GRIN2B: variants seen among roughly 807,000 people sequenced by gnomAD.
GRIN2B encodes the protein glutamate receptor ionotropic, NMDA 2B.
Under a neutral mutation model 114.5 loss-of-function variants are expected in GRIN2B, and 5 were observed. The ratio of observed to expected loss-of-function variants is 0.04; its 90% CI spans 0.02 to 0.09. GRIN2B has a LOEUF of 0.09. Ranked by LOEUF, GRIN2B falls within the 10% of genes least tolerant of loss-of-function variation. GRIN2B has a pLI of 1.00. For synonymous variants in GRIN2B, 787 were observed against 745.1 expected (o/e 1.06, Z -0.92); for missense variants, 1,108 against 1,943.5 (o/e 0.57, Z 8.08).
intron 2 of GRIN2B, among the ~76,000 whole-genome samples, chr12:13,943,652 A>C (rs1011348301): frequency 6.6e-6 from 1 of 152,096 alleles, no homozygotes; most frequent in Non-Finnish European, 1.5e-5. Flanking sequence ...TTGTTTCCTC[A>C]GCCTGGGACG....
chr12:13,814,902 T>C (rs1366203527), intron 3 of GRIN2B, among the ~76,000 whole-genome samples: 1 of 152,240 alleles, frequency 6.6e-6, no homozygotes, highest in Non-Finnish European at 1.5e-5. Context: ...TTTCTAGTTC[T>C]TCTTGTCTAT....
intron 2 of GRIN2B, among the ~76,000 whole-genome samples, chr12:13,866,492 G>A (rs748341767): frequency 1.3e-5 from 2 of 152,216 alleles, no homozygotes; most frequent in Non-Finnish European, 2.9e-5. Flanking sequence ...AGAGACAAAG[G>A]AGGAAAAGAG....
At chr12:13,978,732 T>C (rs1412774982) in intron 2 of GRIN2B, among the ~76,000 whole-genome samples, 3 of 152,202 alleles carry the variant, frequency 2.0e-5, no homozygotes, top group Non-Finnish European at 4.4e-5. Context: ...TTCAGGGACA[T>C]ATGGTCAGTG....
intron 4 of GRIN2B, among the ~76,000 whole-genome samples, chr12:13,744,557 A>G (rs890003935): frequency 6.6e-6 from 1 of 152,202 alleles, no homozygotes; most frequent in South Asian, 2.1e-4. Flanking sequence ...AAAACACCCA[A>G]TAAAGAAAGA....
intron 10 of GRIN2B, among the ~76,000 whole-genome samples, chr12:13,585,691 C>T (rs1948912999): frequency 6.6e-6 from 1 of 152,172 alleles, no homozygotes; most frequent in South Asian, 2.1e-4. Flanking sequence ...TTATGTTTCC[C>T]AGAACACTCA....
In GRIN2B at chr12:13,557,384, T is replaced by TA. The variant is rs1420024035; in HGVS notation, c.*5398dup. On this transcript the variant is annotated 3_prime_UTR_variant, in exon 14 of 14. Transcript: ENST00000609686. ...GCACCCCCTATGGAGGTGGAAAGTATAGGATATAGACCAACTCAGCTAATT... is the reference window on the plus strand; with the variant it reads ...GCACCCCCTATGGAGGTGGAAAGTATAAGGATATAGACCAACTCAGCTAATT... The TA allele has an allele frequency of 1.3e-5, 2 of 152,188 alleles. No homozygotes were observed. The highest frequency in any genetic ancestry group is 1.3e-4 in the Admixed American group (2 of 15,272). 9.4% of individuals were successfully genotyped at this position (152,188 alleles called of 1,614,324 possible).
intron 5 of GRIN2B, among the ~76,000 whole-genome samples, chr12:13,629,599 ACCCTTTCTCCTTT>A (rs1441072646): frequency 6.6e-6 from 1 of 150,756 alleles, no homozygotes; most frequent in African/African-American, 2.4e-5. Context: ...CCCACGTTTC[ACCCTTTCTCCTTT>A]CCCTTCCTCT....
At chr12:13,570,550 G>T (rs894016473) in intron 11 of GRIN2B, among the ~76,000 whole-genome samples, 2 of 151,062 alleles carry the variant, frequency 1.3e-5, no homozygotes, top group Non-Finnish European at 2.9e-5. Context: ...GGCAGTACAG[G>T]CTTGTGTAAG....
At chr12:13,812,619 G>A (rs1022333269) in intron 3 of GRIN2B, among the ~76,000 whole-genome samples, 1 of 152,024 alleles carries the variant, frequency 6.6e-6, no homozygotes, top group East Asian at 1.9e-4. Flanking sequence ...TATAAATTAA[G>A]AATTCTGTTT....
In GRIN2B at chr12:13,556,143, C is replaced by G. The variant is rs775738411; in HGVS notation, c.*6640G>C. ...CAAGGTTGTGGTTAGAGAGGAAATC[C>G]CAGAGTTTTAGCTCTGGGAGGTGTA... On this transcript the variant is annotated 3_prime_UTR_variant, in exon 14 of 14. Coordinates refer to ENST00000609686, the MANE Select transcript of GRIN2B (RefSeq NM_000834.5). The G allele has an allele frequency of 6.6e-6, 1 of 152,006 alleles. No individual in the cohort carries two copies. The highest frequency in any genetic ancestry group is 1.5e-5 in the Non-Finnish European group (1 of 67,998). The allele number at this position is 152,006 out of a possible 1,614,324, so 9.4% of individuals were successfully genotyped here.
At chr12:13,941,482 G>A (rs1028752211) in intron 2 of GRIN2B, among the ~76,000 whole-genome samples, 11 of 152,182 alleles carry the variant, frequency 7.2e-5, no homozygotes, top group African/African-American at 2.4e-4. Flanking sequence ...GGTGAGGAAC[G>A]GGATTGGGTG....
At chr12:13,834,857 C>T (rs1316181994) in intron 3 of GRIN2B, among the ~76,000 whole-genome samples, 3 of 152,126 alleles carry the variant, frequency 2.0e-5, no homozygotes, top group Non-Finnish European at 2.9e-5. Flanking sequence ...AATTCTAATG[C>T]CCAAGCTGCA....
chr12:13,805,895 A>T (rs1033834353), intron 3 of GRIN2B, among the ~76,000 whole-genome samples: 3 of 151,976 alleles, frequency 2.0e-5, no homozygotes, highest in African/African-American at 7.2e-5. Flanking sequence ...AATTCCTTCA[A>T]CTCCCAATGG....
rs909522591 is a variant in GRIN2B at position 13,552,395 on chromosome 12, G to A, written c.*10388C>T. Reference sequence around the variant, plus strand: ...AAGCCAGTAACCAAGGGGGAACCATGTGCCTCACATGTCAGCTTCTGGCTT... The same window carrying A: ...AAGCCAGTAACCAAGGGGGAACCATATGCCTCACATGTCAGCTTCTGGCTT... On this transcript the variant is annotated 3_prime_UTR_variant, in exon 14 of 14. Transcript: ENST00000609686. 1 of 152,196 alleles carries A rather than the reference G, an allele frequency of 6.6e-6. No homozygotes were observed. The highest frequency in any genetic ancestry group is 1.5e-5 in the Non-Finnish European group (1 of 68,032). The allele number at this position is 152,196 out of a possible 1,614,324, so 9.4% of individuals were successfully genotyped here. A position where few individuals can be genotyped will look rare whatever the true frequency, so the allele number is the denominator to read the frequency against.
chr12:13,726,167 T>C (rs772718677), intron 4 of GRIN2B, among the ~76,000 whole-genome samples: 6 of 152,082 alleles, frequency 3.9e-5, no homozygotes, highest in Non-Finnish European at 8.8e-5. Context: ...ATATTCTTTC[T>C]CCACTTCCAG....
chr12:13,687,874 T>C (rs570592148), intron 4 of GRIN2B, among the ~76,000 whole-genome samples: 23 of 152,324 alleles, frequency 1.5e-4, no homozygotes, highest in African/African-American at 5.3e-4. Flanking sequence ...CAGAACTTTG[T>C]CTCCACAAGG....
At chr12:13,651,994 A>C (rs909256010) in intron 5 of GRIN2B, among the ~76,000 whole-genome samples, 21 of 152,088 alleles carry the variant, frequency 1.4e-4, no homozygotes, top group Admixed American at 3.3e-4. Flanking sequence ...TCTAGGCTGC[A>C]TCATGCACTA....
intron 3 of GRIN2B, among the ~76,000 whole-genome samples, chr12:13,812,009 G>A (rs1259515259): frequency 6.6e-6 from 1 of 152,202 alleles, no homozygotes; most frequent in Non-Finnish European, 1.5e-5. Context: ...GTTTTCATTA[G>A]ATTCTCAAAG....
At chr12:13,583,560 G>C (rs746006271) in intron 10 of GRIN2B, among the ~76,000 whole-genome samples, 3 of 152,166 alleles carry the variant, frequency 2.0e-5, no homozygotes, top group Non-Finnish European at 2.9e-5. Context: ...GCCTGAATTA[G>C]TATGCCTATC....
Sources: gnomAD v4.1 joint callset for allele counts (sites outside exome capture counted in the v4.1 genomes callset) on GRCh38, gnomAD v4.1.1 for gene constraint, MANE v1.5 for transcripts, NCBI Gene and HGNC (gene_info 2026-07-23, HGNC 2026-07-21) for gene names.